The following SOS2 variants were observed in gnomAD, a reference collection of about 807,000 sequenced individuals.
SOS2 encodes SOS Ras/Rho guanine nucleotide exchange factor 2, also known as son of sevenless homolog 2.
A neutral mutation model predicts 148.2 loss-of-function variants in SOS2; 65 were observed. That is an observed-to-expected ratio of 0.44 (90% CI 0.36 to 0.54). The LOEUF (loss-of-function observed/expected upper bound fraction) is 0.54. Ranked by LOEUF, SOS2 falls within the 20% of genes least tolerant of loss-of-function variation. SOS2 has a pLI of 0.00. For missense variants in SOS2, 1,341 were observed against 1,590.2 expected, an observed-to-expected ratio of 0.84 and a Z score of 2.67; for synonymous variants, 539 against 537.1, an observed-to-expected ratio of 1.00 and a Z score of -0.05.
chr14:50,223,597 C>T (rs1887264143), intron 1 of SOS2, among the ~76,000 whole-genome samples: 1 of 151,980 alleles, frequency 6.6e-6, no homozygotes, highest in Non-Finnish European at 1.5e-5. Flanking sequence ...ATCACTTGAA[C>T]CTGAGAGGTG....
intron 1 of SOS2, among the ~76,000 whole-genome samples, chr14:50,210,103 T>C (rs1245991283): frequency 2.0e-5 from 3 of 152,222 alleles, no homozygotes; most frequent in Non-Finnish European, 4.4e-5. Flanking sequence ...AAGTCATATG[T>C]CTGTAAGGAA....
rs34139502 is a variant in SOS2, at chr14:50,157,042, G to T, written c.2014C>A (p.Leu672Ile). The T allele has an allele frequency of 9.6e-4, 1,544 of 1,611,986 alleles. 12 individuals are homozygous for T. In the African/African-American group the frequency reaches 0.017, roughly 18 times the overall value. The change falls in exon 12 of 23, where the codon CTT (leucine) becomes ATT (isoleucine). Residue 672 changes from leucine (L) to isoleucine (I), a missense_variant. Transcript: ENST00000216373. The part of the protein sequence containing the change: ...EKGEQPISAD[L>I]KRFRKEYVQP... ...ACATATTCCTTGCGAAATCTTTTAA[G>T]GTCTGCACTGATTGGCTGCTCGCCT...
chr14:50,132,933 T>A (rs1883931585), intron 19 of SOS2, among the ~76,000 whole-genome samples: 1 of 152,058 alleles, frequency 6.6e-6, no homozygotes, highest in Non-Finnish European at 1.5e-5. Flanking sequence ...TCATTAGGCA[T>A]CCACTTACAG....
intron 9 of SOS2, 138 bp downstream of exon 9, chr14:50,161,344 C>T: frequency 1.5e-6 from 1 of 669,010 alleles, no homozygotes; most frequent in South Asian, 2.3e-5. Flanking sequence ...AAAAGACCAA[C>T]ATAAAAGTAT....
At chr14:50,158,232 CA>C (rs200699420) in intron 11 of SOS2, among the ~76,000 whole-genome samples, 45 of 138,056 alleles carry the variant, frequency 3.3e-4, no homozygotes, top group Middle Eastern at 3.8e-3. Context: ...GTCTACGGTC[CA>C]AAAAAAAAAA....
chr14:50,133,625 C>G (rs1045855101), intron 19 of SOS2, among the ~76,000 whole-genome samples: 1 of 152,204 alleles, frequency 6.6e-6, no homozygotes, highest in African/African-American at 2.4e-5. Flanking sequence ...TATCTTGCTT[C>G]ACTTTTAGCT....
In SOS2 at chr14:50,150,075, C is replaced by G. The variant is rs114711076; in HGVS notation, c.2317G>C (p.Asp773His). 7.2e-5 allele frequency: 116 copies of G among 1,614,086 alleles called. No homozygotes were observed. In the African/African-American group the frequency reaches 1.3e-3, roughly 19 times the overall value. The change falls in exon 14 of 23, where the codon GAT becomes CAT. Residue 773 changes from aspartate (D) to histidine (H), a missense_variant. Physicochemically the swap from Asp to His is moderately conservative, Grantham distance 81. Around this residue, in one of 4 missense-constraint regions of SOS2, gnomAD observed 408 missense variants for 506.6 expected, o/e 0.81. Coordinates refer to ENST00000216373, the MANE Select transcript of SOS2 (RefSeq NM_006939.4). ...ISKPGQFETF[D>H]LMTLHPIEIA... ...TCTATTGGATGAAGTGTCATGAGAT[C>G]AAATGTTTCAAACTGTCCTGGTTTG...
intron 8 of SOS2, among the ~76,000 whole-genome samples, chr14:50,171,105 A>G (rs1003251914): frequency 2.7e-5 from 4 of 147,408 alleles, no homozygotes; most frequent in African/African-American, 1.0e-4. Context: ...CAAGAGTGAA[A>G]CTCCATCTCA....
chr14:50,190,806 T>C (rs1886105907), intron 4 of SOS2, among the ~76,000 whole-genome samples: 1 of 152,198 alleles, frequency 6.6e-6, no homozygotes, highest in South Asian at 2.1e-4. Flanking sequence ...ATCCACCTTC[T>C]TGTCATTGGA....
At chr14:50,150,336 T>C (rs1431003600) in intron 13 of SOS2, 106 bp from the exon 14 acceptor site, 19 of 753,504 alleles carry the variant, frequency 2.5e-5, no homozygotes, top group Non-Finnish European at 4.0e-5. Context: ...TACCAACTCA[T>C]GGCCAATTTT....
intron 1 of SOS2, among the ~76,000 whole-genome samples, chr14:50,208,167 G>A (rs1212816308): frequency 6.6e-6 from 1 of 151,924 alleles, no homozygotes; most frequent in Non-Finnish European, 1.5e-5. Flanking sequence ...CATGGTAGAA[G>A]GCGCGTGTAG....
intron 10 of SOS2, among the ~76,000 whole-genome samples, chr14:50,158,923 G>A (rs1433448074): frequency 1.3e-5 from 2 of 152,076 alleles, no homozygotes; most frequent in Non-Finnish European, 2.9e-5. Flanking sequence ...GGTGGCTCAC[G>A]CCTATAATCT....
intron 4 of SOS2, among the ~76,000 whole-genome samples, chr14:50,196,537 T>C (rs1886316922): frequency 6.6e-6 from 1 of 152,162 alleles, no homozygotes; most frequent in Non-Finnish European, 1.5e-5. Flanking sequence ...AATATTTTTG[T>C]ACCCATTAAC....
At chr14:50,191,463 T>C (rs1886135544) in intron 4 of SOS2, among the ~76,000 whole-genome samples, 1 of 152,130 alleles carries the variant, frequency 6.6e-6, no homozygotes, top group Admixed American at 6.6e-5. Flanking sequence ...AATGAGATCC[T>C]ATCTCTAAAT....
At chr14:50,143,157 C>A (rs1884349015) in intron 16 of SOS2, among the ~76,000 whole-genome samples, 1 of 151,406 alleles carries the variant, frequency 6.6e-6, no homozygotes, top group Non-Finnish European at 1.5e-5. Context: ...TATGAAAAAT[C>A]CATATAAATG....
chr14:50,145,383 G>T, intron 15 of SOS2, 51 bp from the exon 16 acceptor site: 1 of 1,564,558 alleles, frequency 6.4e-7, no homozygotes, highest in Non-Finnish European at 8.6e-7. Context: ...ACCTCACTTA[G>T]AAAACAAGAT....
intron 9 of SOS2, among the ~76,000 whole-genome samples, chr14:50,160,521 G>A (rs1228279220): frequency 6.6e-6 from 1 of 151,154 alleles, no homozygotes; most frequent in African/African-American, 2.4e-5. Context: ...CGAGTAGCTG[G>A]GATTACAGGT....
chr14:50,206,295 TGTAATCATCCA>T (rs1261526305), intron 1 of SOS2, among the ~76,000 whole-genome samples: 1 of 152,256 alleles, frequency 6.6e-6, no homozygotes, highest in Non-Finnish European at 1.5e-5. Context: ...GGAATATTTT[TGTAATCATCCA>T]GTTCAAAATA....
At chr14:50,164,315 A>G (rs986743023) in intron 8 of SOS2, among the ~76,000 whole-genome samples, 12 of 151,906 alleles carry the variant, frequency 7.9e-5, no homozygotes, top group African/African-American at 2.7e-4. Context: ...TGATGTGCAC[A>G]TGTAGTCCCA....
Sources: gnomAD v4.1 joint callset for allele counts (sites outside exome capture counted in the v4.1 genomes callset) on GRCh38, gnomAD v4.1.1 for gene constraint, gnomAD v4.1.1 regional missense constraint, MANE v1.5 for transcripts, NCBI Gene and HGNC (gene_info 2026-07-23, HGNC 2026-07-21) for gene names.